The following TSHZ2 variants were observed in gnomAD, a reference collection of about 807,000 sequenced individuals.
The protein encoded by TSHZ2 is teashirt homolog 2.
A neutral mutation model predicts 74.4 loss-of-function variants in TSHZ2; 21 were observed. The ratio of observed to expected loss-of-function variants is 0.28; its 90% CI spans 0.20 to 0.41. TSHZ2 has a LOEUF of 0.41. Ranked by LOEUF, TSHZ2 falls within the 10% of genes least tolerant of loss-of-function variation. The pLI is 1.00. For missense variants in TSHZ2, 1,244 were observed against 1,293.5 expected (o/e 0.96, Z 0.59); for synonymous variants, 540 against 515.3 (o/e 1.05, Z -0.65).
chr20:52,982,661 C>T (rs1249544893), intron 1 of TSHZ2, among the ~76,000 whole-genome samples: 1 of 152,070 alleles, frequency 6.6e-6, no homozygotes, highest in Non-Finnish European at 1.5e-5. Flanking sequence ...TGTGGGCTAG[C>T]CTAAAAAGCT....
chr20:53,292,355 C>CA (rs1001050621), intron 2 of TSHZ2, among the ~76,000 whole-genome samples: 1 of 152,056 alleles, frequency 6.6e-6, no homozygotes, highest in African/African-American at 2.4e-5. Context: ...AGTAGCAAAG[C>CA]AATCCTAGTA....
At chr20:53,269,865 T>C (rs11696746) in intron 2 of TSHZ2, among the ~76,000 whole-genome samples, 13,507 of 152,102 alleles carry the variant, frequency 0.089, 583 homozygotes, top group East Asian at 0.11. Context: ...TGAGCACTGT[T>C]TGAATCACCA....
At chr20:53,219,789 T>C (rs1195511547) in intron 1 of TSHZ2, among the ~76,000 whole-genome samples, 1 of 152,246 alleles carries the variant, frequency 6.6e-6, no homozygotes, top group African/African-American at 2.4e-5. Flanking sequence ...ATAATCTGAT[T>C]GGTGACACCT....
intron 2 of TSHZ2, among the ~76,000 whole-genome samples, chr20:53,337,940 G>A (rs965509800): frequency 9.2e-5 from 14 of 152,220 alleles, no homozygotes; most frequent in African/African-American, 2.4e-4. Flanking sequence ...GTTCTTCAGT[G>A]CTTCCCCTGG....
At chr20:53,334,623 A>G (rs150693660) in intron 2 of TSHZ2, among the ~76,000 whole-genome samples, 4 of 151,972 alleles carry the variant, frequency 2.6e-5, no homozygotes, top group Middle Eastern at 3.4e-3. Context: ...AGTATAAAGA[A>G]CTTGCCTTCT....
chr20:53,273,540 C>T (rs896741062), intron 2 of TSHZ2, among the ~76,000 whole-genome samples: 2 of 152,180 alleles, frequency 1.3e-5, no homozygotes, highest in African/African-American at 2.4e-5. Flanking sequence ...CCACCTGCCT[C>T]GACTTTCCAA....
chr20:53,453,932 C>T (rs1984931817), intron 2 of TSHZ2, among the ~76,000 whole-genome samples: 1 of 152,200 alleles, frequency 6.6e-6, no homozygotes, highest in Non-Finnish European at 1.5e-5. Flanking sequence ...TGGCTCTGAA[C>T]TCCTACTTGG....
At chr20:53,410,071 T>G (rs1050107610) in intron 2 of TSHZ2, among the ~76,000 whole-genome samples, 12 of 152,086 alleles carry the variant, frequency 7.9e-5, no homozygotes, top group African/African-American at 2.7e-4. Context: ...GGTCTTGAAC[T>G]CCTGACCTCA....
intron 2 of TSHZ2, among the ~76,000 whole-genome samples, chr20:53,439,657 A>C (rs1313556696): frequency 2.6e-5 from 4 of 152,192 alleles, no homozygotes; most frequent in Non-Finnish European, 5.9e-5. Context: ...AATTGTTCTA[A>C]TTATACGTGC....
chr20:53,417,199 A>G (rs184103607), intron 2 of TSHZ2, among the ~76,000 whole-genome samples: 62 of 151,452 alleles, frequency 4.1e-4, no homozygotes, highest in African/African-American at 1.4e-3. Flanking sequence ...CCATCTTGCA[A>G]ACATCCCTGA....
chr20:53,148,092 A>T (rs913694982), intron 1 of TSHZ2, among the ~76,000 whole-genome samples: 1 of 152,240 alleles, frequency 6.6e-6, no homozygotes, highest in African/African-American at 2.4e-5. Flanking sequence ...AACCTGATAA[A>T]TACAAATGTG....
chr20:53,369,969 C>T (rs1297568780), intron 2 of TSHZ2, among the ~76,000 whole-genome samples: 2 of 151,942 alleles, frequency 1.3e-5, no homozygotes, highest in East Asian at 3.9e-4. Flanking sequence ...GTTATTGTGT[C>T]GATTCCTTGA....
intron 2 of TSHZ2, among the ~76,000 whole-genome samples, chr20:53,443,083 T>A (rs1014631779): frequency 3.3e-5 from 5 of 152,194 alleles, no homozygotes; most frequent in Admixed American, 6.5e-5. Context: ...GCATTGAGAC[T>A]GGTTTCTAAA....
intron 1 of TSHZ2, among the ~76,000 whole-genome samples, chr20:53,218,536 T>C (rs566067341): frequency 3.4e-4 from 52 of 152,280 alleles, no homozygotes; most frequent in Middle Eastern, 3.4e-3. Flanking sequence ...ATCTACCGCA[T>C]TGGTTCTATA....
chr20:53,242,052 T>C lies in TSHZ2; in HGVS notation c.41-11447T>C, dbSNP rs553213884. Among the ~76,000 whole-genome samples the C allele has an allele frequency of 1.2e-4, 18 of 152,338 alleles. No homozygotes were observed. The East Asian group carries it at 3.5e-3, about 29-fold the overall frequency. Reference sequence around the variant, plus strand: ...CTTCTCTGTGCAGACCCTTGCTTCATTGACAACTAGAAAGAGCATGAATGT... The same window carrying C: ...CTTCTCTGTGCAGACCCTTGCTTCACTGACAACTAGAAAGAGCATGAATGT... On this transcript the variant is annotated intron_variant, in intron 1 of 2. Transcript: ENST00000371497.
intron 1 of TSHZ2, among the ~76,000 whole-genome samples, chr20:53,219,339 A>G (rs1989504900): frequency 6.6e-6 from 1 of 152,234 alleles, no homozygotes; most frequent in African/African-American, 2.4e-5. Context: ...ATCTCCAAAC[A>G]AAAAGCAAGT....
intron 1 of TSHZ2, among the ~76,000 whole-genome samples, chr20:53,182,982 C>T (rs780492002): frequency 3.9e-5 from 6 of 152,180 alleles, no homozygotes; most frequent in Non-Finnish European, 7.3e-5. Context: ...TCAGTCAGGA[C>T]AAGTGGCCTG....
chr20:53,167,812 G>T (rs182501571), intron 1 of TSHZ2, among the ~76,000 whole-genome samples: 6 of 152,242 alleles, frequency 3.9e-5, no homozygotes, highest in African/African-American at 1.2e-4. Flanking sequence ...TACGTCCCCC[G>T]TAGAGTCATG....
chr20:53,006,175 T>G (rs540609264), intron 1 of TSHZ2, among the ~76,000 whole-genome samples: 1 of 152,348 alleles, frequency 6.6e-6, no homozygotes, highest in South Asian at 2.1e-4. Flanking sequence ...AGTTGATCTG[T>G]TCCCAGACAG....
Sources: gnomAD v4.1 joint callset for allele counts (sites outside exome capture counted in the v4.1 genomes callset) on GRCh38, gnomAD v4.1.1 for gene constraint, MANE v1.5 for transcripts, NCBI Gene and HGNC (gene_info 2026-07-23, HGNC 2026-07-21) for gene names.